The following SMPDL3B variants were observed in gnomAD, a reference collection of about 807,000 sequenced individuals.
The protein encoded by SMPDL3B is sphingomyelin phosphodiesterase acid like 3B.
SMPDL3B carries 31 observed loss-of-function variants against 37.9 expected under a neutral mutation model. The ratio of observed to expected loss-of-function variants is 0.82; its 90% CI spans 0.61 to 1.10. The LOEUF (loss-of-function observed/expected upper bound fraction) is 1.10, where lower values mean the gene tolerates loss of function less well. Ranked by LOEUF, SMPDL3B falls within the 50% of genes least tolerant of loss-of-function variation. The pLI is 0.00. For synonymous variants in SMPDL3B, 235 were observed against 242.6 expected, an observed-to-expected ratio of 0.97 and a Z score of 0.29; for missense variants, 525 against 597.8, an observed-to-expected ratio of 0.88 and a Z score of 1.27.
chr1:27,945,565 A>ATGTGAGGATTAAG lies in SMPDL3B; in HGVS notation c.275+120_275+121insTGTGAGGATTAAG. ...CTCACATCAGTCTCACGTGAGGCTG[A>ATGTGAGGATTAAG]GGAACCTAAAGCTCAAAGGAATTTT... is the stretch of plus-strand genomic sequence containing the variant. On this transcript the variant is annotated intron_variant, in intron 2 of 7. Transcript: ENST00000373894. The surrounding 1 kb of genome is among the most constrained non-coding windows in gnomAD (Gnocchi z 4.0). The ATGTGAGGATTAAG allele has an allele frequency of 1.8e-5, 15 of 820,310 alleles. No individual in the cohort carries two copies. Among genetic ancestry groups the ATGTGAGGATTAAG allele is most frequent in the Non-Finnish European group, 3.0e-5 (15 of 500,086 alleles). The allele number at this position is 820,310 out of a possible 1,614,324, so 50.8% of individuals were successfully genotyped here.
At chr1:27,946,397 C>T (rs542028401) in intron 2 of SMPDL3B, among the ~76,000 whole-genome samples, 1 of 152,026 alleles carries the variant, frequency 6.6e-6, no homozygotes, top group Non-Finnish European at 1.5e-5. Flanking sequence ...ACCCCCATCT[C>T]CTCGCTTGCT....
chr1:27,943,946 A>G (rs571896055), intron 1 of SMPDL3B, among the ~76,000 whole-genome samples: 1 of 149,322 alleles, frequency 6.7e-6, no homozygotes, highest in Admixed American at 6.7e-5. Flanking sequence ...CCCAGGAGGC[A>G]GAGGTTGCAG....
chr1:27,942,703 C>T (rs1330005101), intron 1 of SMPDL3B, among the ~76,000 whole-genome samples: 3 of 144,890 alleles, frequency 2.1e-5, no homozygotes, highest in Admixed American at 7.0e-5. Flanking sequence ...CTCGCTCTGT[C>T]GCCAGGCTGG....
intron 4 of SMPDL3B, among the ~76,000 whole-genome samples, chr1:27,953,593 G>A (rs2090473192): frequency 6.6e-6 from 1 of 152,184 alleles, no homozygotes; most frequent in African/African-American, 2.4e-5. Flanking sequence ...TATTTATTGA[G>A]CCTTTACTGT....
At chr1:27,944,267 T>C (rs905879414) in intron 1 of SMPDL3B, among the ~76,000 whole-genome samples, 4 of 151,990 alleles carry the variant, frequency 2.6e-5, no homozygotes, top group African/African-American at 4.8e-5. Flanking sequence ...CCAGAGGAGG[T>C]CAGCCCGATC....
At chr1:27,935,728 AG>A (rs1258864333) in intron 1 of SMPDL3B, among the ~76,000 whole-genome samples, 1 of 152,220 alleles carries the variant, frequency 6.6e-6, no homozygotes, top group Admixed American at 6.5e-5. Context: ...AAAGTAGAAC[AG>A]GGAAGGCGGG....
intron 2 of SMPDL3B, among the ~76,000 whole-genome samples, chr1:27,946,949 G>A (rs1033668701): frequency 1.3e-5 from 2 of 152,160 alleles, no homozygotes; most frequent in African/African-American, 4.8e-5. Context: ...CTTGAGGGGA[G>A]CTTCTGATTT....
At chr1:27,956,902 G>A (rs892274526) in intron 7 of SMPDL3B, among the ~76,000 whole-genome samples, 1 of 152,022 alleles carries the variant, frequency 6.6e-6, no homozygotes, top group African/African-American at 2.4e-5. Flanking sequence ...AGTTCTGAGT[G>A]TATTGAGGGA....
At chr1:27,949,568 A>T (rs2090438144) in intron 3 of SMPDL3B, among the ~76,000 whole-genome samples, 1 of 152,102 alleles carries the variant, frequency 6.6e-6, no homozygotes, top group Admixed American at 6.5e-5. Flanking sequence ...GGCCTCTGGG[A>T]AATGCTAATT....
rs1284357804 is a variant in SMPDL3B, at chr1:27,954,342, T to C, written c.518-12T>C. On this transcript the variant is annotated splice_polypyrimidine_tract_variant and intron_variant, in intron 4 of 7. Transcript: ENST00000373894. Reference sequence around the variant, plus strand: ...GTGGGGGCCTCCTTCATATTGTCCCTGGCTGTGACAGGTGCCTTCTACTGT... The same window carrying C: ...GTGGGGGCCTCCTTCATATTGTCCCCGGCTGTGACAGGTGCCTTCTACTGT... 1 of 1,611,294 alleles carries C rather than the reference T, an allele frequency of 6.2e-7. No individual in the cohort carries two copies. Among genetic ancestry groups the C allele is most frequent in the African/African-American group, 1.3e-5 (1 of 74,866 alleles).
intron 1 of SMPDL3B, chr1:27,942,477 C>T (rs776390137): frequency 2.6e-6 from 1 of 388,738 alleles, no homozygotes; most frequent in Non-Finnish European, 5.3e-6. Flanking sequence ...GGTTTTGTCA[C>T]TGTATTCTTT....
chr1:27,935,264 T>C lies in SMPDL3B; in HGVS notation c.61+20T>C. ...AACCAGGTACAGCACTGGGAATGTCTGCTATGCCTTTGTTTTGTACTGTGA... is the reference window on the plus strand; with the variant it reads ...AACCAGGTACAGCACTGGGAATGTCCGCTATGCCTTTGTTTTGTACTGTGA... On this transcript the variant is annotated intron_variant, in intron 1 of 7. Coordinates refer to ENST00000373894, the MANE Select transcript of SMPDL3B (RefSeq NM_014474.4). 4 of 1,591,538 alleles carry C rather than the reference T, an allele frequency of 2.5e-6. No individual in the cohort carries two copies. The highest frequency in any genetic ancestry group is 3.4e-6 in the Non-Finnish European group (4 of 1,159,612).
chr1:27,954,562 G>T (rs1294918326), intron 5 of SMPDL3B, 36 bp downstream of exon 5: 2 of 1,597,198 alleles, frequency 1.3e-6, no homozygotes, highest in Admixed American at 3.4e-5. Flanking sequence ...CTCATCTGGG[G>T]TTATTTCCTG....
At chr1:27,938,357 G>T (rs536720529) in intron 1 of SMPDL3B, among the ~76,000 whole-genome samples, 2 of 152,306 alleles carry the variant, frequency 1.3e-5, no homozygotes, top group South Asian at 4.1e-4. Context: ...CTGCCTGTAT[G>T]GAAGAGCCAG....
rs546661899 is a variant in SMPDL3B at position 27,953,357 on chromosome 1, A to G, written c.516A>G (p.Lys172=). ...ATGAGTCCATCGCTCTCTTCAAAAA[A>G]GGTACCAACACCACCTGCTCCTATC... The part of the protein sequence containing the change: ...LSNESIALFK[K]GAFYCEKLPG... The change falls in exon 4 of 8, where the codon AAA becomes AAG. Residue 172 remains lysine, a splice_region_variant and synonymous_variant. Transcript: ENST00000373894. 11 of 1,609,884 alleles carry G rather than the reference A, an allele frequency of 6.8e-6. No homozygotes were observed. In the South Asian group the frequency reaches 1.1e-4, roughly 16 times the overall value.
intron 1 of SMPDL3B, among the ~76,000 whole-genome samples, chr1:27,935,536 C>T (rs1162069590): frequency 6.6e-6 from 1 of 152,104 alleles, no homozygotes; most frequent in Admixed American, 6.5e-5. Context: ...TTCGTGGACT[C>T]ATTCAACAAA....
At position 27,945,254 on chromosome 1, in the gene SMPDL3B, C is replaced by T; in HGVS notation, c.84C>T (p.Asp28=). ...CAGGGAAGTTCTGGCACATCGCTGA[C>T]CTGCACCTTGACCCTGACTACAAGG... ...AEPGKFWHIA[D]LHLDPDYKVS... Residue 28 remains aspartate (D), a synonymous_variant, in exon 2 of 8, where the codon GAC becomes GAT. Coordinates refer to ENST00000373894, the MANE Select transcript of SMPDL3B (RefSeq NM_014474.4). This position sits in a 1 kb window ranked among gnomAD's most constrained non-coding sequence, Gnocchi z 4.0. The T allele has an allele frequency of 6.2e-7, 1 of 1,614,180 alleles. No homozygotes were observed.
Position 27,958,372 on chromosome 1 carries a change from T to A in SMPDL3B, c.1006-104T>A. On this transcript the variant is annotated intron_variant, in intron 7 of 7. Coordinates refer to ENST00000373894, the MANE Select transcript of SMPDL3B (RefSeq NM_014474.4). This position sits in a 1 kb window ranked among gnomAD's most constrained non-coding sequence, Gnocchi z 5.6. Reference sequence around the variant, plus strand: ...CTAAGTGCTCAATAACTACTAGTGGTCATGGTCACTGCTCTAAAGAACTTG... The same window carrying A: ...CTAAGTGCTCAATAACTACTAGTGGACATGGTCACTGCTCTAAAGAACTTG... 6.9e-7 allele frequency: 1 copy of A among 1,444,952 alleles called. No individual in the cohort carries two copies. The highest frequency in any genetic ancestry group is 9.3e-7 in the Non-Finnish European group (1 of 1,073,744). The allele number at this position is 1,444,952 out of a possible 1,614,324, so 89.5% of individuals were successfully genotyped here. A position where few individuals can be genotyped will look rare whatever the true frequency, so the allele number is the denominator to read the frequency against.
chr1:27,952,475 G>A (rs1384689291), intron 3 of SMPDL3B, among the ~76,000 whole-genome samples: 5 of 152,280 alleles, frequency 3.3e-5, no homozygotes, highest in African/African-American at 1.2e-4. Flanking sequence ...TATTTATTGA[G>A]CACCGATTAG....
Sources: gnomAD v4.1 joint callset for allele counts (sites outside exome capture counted in the v4.1 genomes callset) on GRCh38, gnomAD v4.1.1 for gene constraint, Gnocchi (gnomAD v3.1) non-coding constraint, MANE v1.5 for transcripts, NCBI Gene and HGNC (gene_info 2026-07-23, HGNC 2026-07-21) for gene names.